Variants in DLG2 observed in about 807,000 individuals in gnomAD.
DLG2 encodes disks large homolog 2.
A neutral mutation model predicts 132.5 loss-of-function variants in DLG2; 45 were observed. The observed-to-expected ratio is 0.34, with a 90% CI of 0.27 to 0.44. The LOEUF (loss-of-function observed/expected upper bound fraction) is 0.44. Ranked by LOEUF, DLG2 falls within the 20% of genes least tolerant of loss-of-function variation. The pLI, the probability that DLG2 is intolerant of heterozygous loss-of-function variation, is 1.00. For synonymous variants in DLG2, 424 were observed against 419.6 expected, an observed-to-expected ratio of 1.01 and a Z score of -0.13; for missense variants, 1,045 against 1,196.9, an observed-to-expected ratio of 0.87 and a Z score of 1.87.
chr11:85,511,020 C>G (rs1443187548), intron 3 of DLG2, among the ~76,000 whole-genome samples: 2 of 152,108 alleles, frequency 1.3e-5, no homozygotes, highest in East Asian at 3.9e-4. Context: ...GGCACATATA[C>G]ACCATGGAAT....
rs189268847 is a variant in DLG2 at position 83,732,791 on chromosome 11, T to C, written c.1825+53899A>G. ...TAAAGTTCAGATGGAAGCTCTTTCA[T>C]AGTTTCATGCTCCAACTGGGGAGGG... On this transcript the variant is annotated intron_variant, in intron 18 of 27. Coordinates refer to ENST00000376104, the MANE Select transcript of DLG2 (RefSeq NM_001142699.3). Among the ~76,000 whole-genome samples, 885 of 152,302 alleles carry C rather than the reference T, an allele frequency of 5.8e-3. 4 individuals are homozygous for C. The highest frequency in any genetic ancestry group is 0.031 in the Middle Eastern group (9 of 294).
chr11:85,591,789 C>A (rs2079361100), intron 3 of DLG2, among the ~76,000 whole-genome samples: 1 of 152,108 alleles, frequency 6.6e-6, no homozygotes, highest in Admixed American at 6.6e-5. Flanking sequence ...TAAGGTTAAG[C>A]CTCTCATTCA....
At chr11:83,884,166 G>T (rs1184375200) in intron 15 of DLG2, among the ~76,000 whole-genome samples, 1 of 152,230 alleles carries the variant, frequency 6.6e-6, no homozygotes, top group African/African-American at 2.4e-5. Flanking sequence ...AAGCACAAGG[G>T]GTCAGGGAGT....
At chr11:83,460,999 G>GTTT (rs10591072) in intron 27 of DLG2, among the ~76,000 whole-genome samples, 13 of 107,068 alleles carry the variant, frequency 1.2e-4, no homozygotes, top group African/African-American at 2.9e-4. Context: ...AAGTTCTTGG[G>GTTT]TTTTTTTTTT....
chr11:84,426,859 G>C (rs1205533396), intron 7 of DLG2, among the ~76,000 whole-genome samples: 3 of 152,022 alleles, frequency 2.0e-5, no homozygotes, highest in Non-Finnish European at 2.9e-5. Flanking sequence ...AAAGTTGGGT[G>C]GTATATTTTG....
rs74957112 is a variant in DLG2 at position 85,382,377 on chromosome 11, T to C, written c.41-97012A>G. Among the ~76,000 whole-genome samples the C allele has an allele frequency of 2.9e-3, 444 of 152,172 alleles. 1 individual carries two copies. The highest frequency in any genetic ancestry group is 0.01 in the African/African-American group (427 of 41,534). On this transcript the variant is annotated intron_variant, in intron 3 of 27. Coordinates refer to ENST00000376104, the MANE Select transcript of DLG2 (RefSeq NM_001142699.3). ...TATGCAAAAATTAACACAAAATGGA[T>C]GAAATACCCAAATTTAAGAGCTAAA...
intron 6 of DLG2, among the ~76,000 whole-genome samples, chr11:85,002,818 C>T (rs2058331185): frequency 6.6e-6 from 1 of 151,884 alleles, no homozygotes; most frequent in Non-Finnish European, 1.5e-5. Flanking sequence ...TCTGAGATAG[C>T]AAGACCGACC....
At chr11:83,766,417 A>G (rs1394763614) in intron 18 of DLG2, among the ~76,000 whole-genome samples, 5 of 146,622 alleles carry the variant, frequency 3.4e-5, no homozygotes, top group Non-Finnish European at 6.0e-5. Flanking sequence ...TTTTTTTATA[A>G]TGAGTTATGA....
intron 8 of DLG2, among the ~76,000 whole-genome samples, chr11:84,170,715 G>A (rs891689479): frequency 3.9e-5 from 6 of 152,172 alleles, no homozygotes; most frequent in African/African-American, 1.4e-4. Context: ...AGAGTCTGAT[G>A]CTTGCATTGT....
chr11:84,589,245 C>G (rs1399766269), intron 6 of DLG2, among the ~76,000 whole-genome samples: 5 of 152,142 alleles, frequency 3.3e-5, no homozygotes, highest in Admixed American at 6.6e-5. Context: ...GATAGCAAAT[C>G]TGGAGAAATA....
At chr11:84,184,045 C>A (rs1183082492) in intron 8 of DLG2, among the ~76,000 whole-genome samples, 1 of 151,864 alleles carries the variant, frequency 6.6e-6, no homozygotes, top group Non-Finnish European at 1.5e-5. Flanking sequence ...TACGTGTGCA[C>A]GTGTCTTTAT....
chr11:85,019,415 T>G (rs1179239886), intron 6 of DLG2, among the ~76,000 whole-genome samples: 8 of 152,054 alleles, frequency 5.3e-5, no homozygotes, highest in Non-Finnish European at 1.0e-4. Context: ...CTTAGACAAG[T>G]GCCTAGGTAA....
At position 85,191,154 on chromosome 11, in the gene DLG2, GCA is replaced by G. The variant is rs1555395176; in HGVS notation, c.187-36505_187-36504del. 3.5e-3 allele frequency among the ~76,000 whole-genome samples: 432 copies of G among 125,096 alleles called. 3 individuals carry two copies. The highest frequency in any genetic ancestry group is 0.013 in the African/African-American group (412 of 31,478). The allele number at this position is 125,096 out of a possible 152,430, so 82.1% of individuals were successfully genotyped here. A position where few individuals can be genotyped will look rare whatever the true frequency, so the allele number is the denominator to read the frequency against. ...TTTGTCTATATGCATGCGCGCGCGC[GCA>G]CGCGCGCACACACACACACACACAC... On this transcript the variant is annotated intron_variant, in intron 4 of 27. Transcript: ENST00000376104.
chr11:85,525,266 G>A (rs1291851529), intron 3 of DLG2, among the ~76,000 whole-genome samples: 1 of 152,238 alleles, frequency 6.6e-6, no homozygotes, highest in South Asian at 2.1e-4. Context: ...AGGAGTAGAA[G>A]AGAACTTCCT....
chr11:84,902,116 C>G (rs2090962586), intron 6 of DLG2, among the ~76,000 whole-genome samples: 1 of 152,110 alleles, frequency 6.6e-6, no homozygotes, highest in African/African-American at 2.4e-5. Flanking sequence ...TCTTGGAAGG[C>G]AATTTTGTAA....
At chr11:85,305,424 A>G (rs1259175053) in intron 3 of DLG2, among the ~76,000 whole-genome samples, 5 of 152,218 alleles carry the variant, frequency 3.3e-5, no homozygotes, top group African/African-American at 1.2e-4. Context: ...GCGCAACTAC[A>G]GGCCTTCCGG....
chr11:84,025,880 C>G (rs572274805), intron 11 of DLG2, among the ~76,000 whole-genome samples: 75 of 152,144 alleles, frequency 4.9e-4, no homozygotes, highest in African/African-American at 1.8e-3. Context: ...ATTGTGTAAG[C>G]ATTCTTATAT....
At chr11:83,894,965 C>CA (rs35751641) in intron 15 of DLG2, among the ~76,000 whole-genome samples, 14,923 of 151,954 alleles carry the variant, frequency 0.098, 887 homozygotes, top group Non-Finnish European at 0.13. Context: ...TTGCAAATGA[C>CA]ACAATGGATT....
intron 10 of DLG2, among the ~76,000 whole-genome samples, chr11:84,089,693 A>G (rs1315144184): frequency 6.6e-6 from 1 of 152,244 alleles, no homozygotes; most frequent in Non-Finnish European, 1.5e-5. Context: ...CAGACACAGA[A>G]GTAATAAATG....
Sources: gnomAD v4.1 joint callset for allele counts (sites outside exome capture counted in the v4.1 genomes callset) on GRCh38, gnomAD v4.1.1 for gene constraint, MANE v1.5 for transcripts, NCBI Gene and HGNC (gene_info 2026-07-23, HGNC 2026-07-21) for gene names.